The following XKR6 variants were observed in gnomAD, a reference collection of about 807,000 sequenced individuals.
The protein encoded by XKR6 is XK related 6.
XKR6 carries 22 observed loss-of-function variants against 56.7 expected under a neutral mutation model. The ratio of observed to expected loss-of-function variants is 0.39; its 90% CI spans 0.28 to 0.55. The LOEUF is 0.55. Among genes scored for constraint, XKR6 ranks in the 20% least tolerant of loss-of-function variants. The pLI is 0.66. For synonymous variants in XKR6, 524 were observed against 387.8 expected, an observed-to-expected ratio of 1.35 and a Z score of -4.13; for missense variants, 852 against 889.0, an observed-to-expected ratio of 0.96 and a Z score of 0.53.
At chr8:10,984,754 A>ATATATATATATATC (rs1797822260) in intron 1 of XKR6, among the ~76,000 whole-genome samples, 1 of 140,712 alleles carries the variant, frequency 7.1e-6, no homozygotes, top group Non-Finnish European at 1.6e-5. Context: ...ATATATATAT[A>ATATATATATATATC]TATTTGAAGA....
chr8:11,164,172 A>T (rs17782536), intron 1 of XKR6, among the ~76,000 whole-genome samples: 1 of 152,076 alleles, frequency 6.6e-6, no homozygotes, highest in Non-Finnish European at 1.5e-5. Context: ...ATCATCCCAC[A>T]GGCTTCAGCT....
At chr8:11,111,338 C>T (rs1279549793) in intron 1 of XKR6, among the ~76,000 whole-genome samples, 8 of 152,130 alleles carry the variant, frequency 5.3e-5, no homozygotes, top group East Asian at 1.9e-4. Flanking sequence ...TCCTCATTGG[C>T]ACTTCTGCCC....
At chr8:11,152,820 A>G (rs1292448671) in intron 1 of XKR6, among the ~76,000 whole-genome samples, 2 of 152,144 alleles carry the variant, frequency 1.3e-5, no homozygotes, top group South Asian at 2.1e-4. Context: ...TAATTATCCA[A>G]TCAAAATTCT....
intron 1 of XKR6, among the ~76,000 whole-genome samples, chr8:11,178,097 A>G (rs888076957): frequency 6.6e-6 from 1 of 152,156 alleles, no homozygotes; most frequent in Non-Finnish European, 1.5e-5. Context: ...CGGGCCTTCC[A>G]AACTCCAGGC....
intron 1 of XKR6, among the ~76,000 whole-genome samples, chr8:10,957,075 C>T (rs772531512): frequency 1.3e-5 from 2 of 152,164 alleles, no homozygotes; most frequent in South Asian, 2.1e-4. Flanking sequence ...TTCAGCCTCC[C>T]GAGTAGCTGG....
chr8:10,903,308 G>A (rs73209955), intron 2 of XKR6, among the ~76,000 whole-genome samples: 4,781 of 152,278 alleles, frequency 0.031, 114 homozygotes, highest in Non-Finnish European at 0.048. Flanking sequence ...TCAGCGAAGG[G>A]TGCCTTGAGG....
At chr8:10,920,229 G>A (rs1409099183) in intron 2 of XKR6, among the ~76,000 whole-genome samples, 1 of 152,112 alleles carries the variant, frequency 6.6e-6, no homozygotes, top group Non-Finnish European at 1.5e-5. Flanking sequence ...CACCAGTAAA[G>A]CCTGAAGGCG....
At position 11,098,240 on chromosome 8, in the gene XKR6, CAACA is replaced by C. The variant is rs1388376889; in HGVS notation, c.764+102332_764+102335del. ...ACACACACACGCACTCACACACGCA[CAACA>C]CACACACACGCATGCACACACACAT... is the stretch of plus-strand genomic sequence containing the variant. On this transcript the variant is annotated intron_variant, in intron 1 of 2. Coordinates refer to ENST00000416569, the MANE Select transcript of XKR6 (RefSeq NM_173683.4). 3.3e-5 allele frequency among the ~76,000 whole-genome samples: 5 copies of C among 151,968 alleles called. No homozygotes were observed. The East Asian group carries it at 7.7e-4, about 23-fold the overall frequency.
At chr8:10,917,980 C>G (rs1442022278) in intron 2 of XKR6, among the ~76,000 whole-genome samples, 2 of 152,204 alleles carry the variant, frequency 1.3e-5, no homozygotes, top group Non-Finnish European at 2.9e-5. Flanking sequence ...ATCTTGTTAT[C>G]TATCAAGAAT....
intron 1 of XKR6, among the ~76,000 whole-genome samples, chr8:11,024,058 A>C (rs1362817176): frequency 6.6e-6 from 1 of 152,198 alleles, no homozygotes; most frequent in African/African-American, 2.4e-5. Context: ...CACATCCCGA[A>C]GTCTTCCTCA....
chr8:10,993,865 C>A (rs1798049437), intron 1 of XKR6, among the ~76,000 whole-genome samples: 1 of 152,166 alleles, frequency 6.6e-6, no homozygotes, highest in Non-Finnish European at 1.5e-5. Flanking sequence ...GCTATATAGC[C>A]CTATACCTGC....
chr8:10,941,733 G>C (rs564718689), intron 1 of XKR6, among the ~76,000 whole-genome samples: 3 of 152,342 alleles, frequency 2.0e-5, no homozygotes, highest in Non-Finnish European at 2.9e-5. Context: ...GCTGAGTGCT[G>C]TGGAGGTTGT....
intron 1 of XKR6, among the ~76,000 whole-genome samples, chr8:11,097,665 G>T (rs1313803587): frequency 6.6e-6 from 1 of 151,612 alleles, no homozygotes; most frequent in Non-Finnish European, 1.5e-5. Flanking sequence ...AAATTAGCCG[G>T]GCGTGGTGGT....
chr8:11,102,289 C>A (rs1798514491), intron 1 of XKR6, among the ~76,000 whole-genome samples: 1 of 152,168 alleles, frequency 6.6e-6, no homozygotes, highest in African/African-American at 2.4e-5. Flanking sequence ...TTCATTTATG[C>A]CGTTAGTTTA....
At chr8:10,938,428 C>A (rs898644956) in intron 1 of XKR6, among the ~76,000 whole-genome samples, 2 of 152,186 alleles carry the variant, frequency 1.3e-5, no homozygotes, top group Non-Finnish European at 1.5e-5. Flanking sequence ...CTCCTCCCCC[C>A]AGCAGTTCTT....
At chr8:11,140,538 A>G (rs1343315463) in intron 1 of XKR6, among the ~76,000 whole-genome samples, 2 of 152,216 alleles carry the variant, frequency 1.3e-5, no homozygotes, top group Non-Finnish European at 2.9e-5. Flanking sequence ...ATCTCTAAGT[A>G]AAGTGACCTT....
chr8:10,994,310 C>G (rs929150732), intron 1 of XKR6, among the ~76,000 whole-genome samples: 2 of 152,246 alleles, frequency 1.3e-5, no homozygotes, highest in Non-Finnish European at 2.9e-5. Flanking sequence ...GCTAAGCCAG[C>G]TCCCCCAGCC....
chr8:10,909,989 G>A (rs1370129488), intron 2 of XKR6, among the ~76,000 whole-genome samples: 1 of 151,834 alleles, frequency 6.6e-6, no homozygotes, highest in East Asian at 1.9e-4. Context: ...GGGGGGCTGG[G>A]GGGACCTTTT....
At chr8:11,076,080 G>A (rs1029115195) in intron 1 of XKR6, among the ~76,000 whole-genome samples, 9 of 152,126 alleles carry the variant, frequency 5.9e-5, no homozygotes, top group Non-Finnish European at 5.9e-5. Context: ...CAACACGGGC[G>A]AACCTCGATG....
Sources: allele counts gnomAD v4.1 joint callset (sites outside exome capture counted in the v4.1 genomes callset), GRCh38; gene constraint gnomAD v4.1.1; transcripts MANE v1.5; gene names NCBI Gene and HGNC (gene_info 2026-07-23, HGNC 2026-07-21).